The following ZAP70 variants were observed in gnomAD, a reference collection of about 807,000 sequenced individuals.
ZAP70 encodes the protein zeta chain of T cell receptor associated protein kinase 70, also known as tyrosine-protein kinase ZAP-70.
Under a neutral mutation model 65.8 loss-of-function variants are expected in ZAP70, and 27 were observed. The observed-to-expected ratio is 0.41, with a 90% CI of 0.30 to 0.57. ZAP70 has a LOEUF of 0.57. ZAP70 is among the 20% of genes least tolerant of loss of function. The pLI is 0.28. For missense variants in ZAP70, 696 were observed against 870.5 expected (o/e 0.80, Z 2.52); for synonymous variants, 363 against 360.8 (o/e 1.01, Z -0.07).
Position 97,724,454 on chromosome 2 carries a change from G to T in ZAP70, c.402+16G>T. 6.6e-7 allele frequency: 1 copy of T among 1,525,186 alleles called. No individual in the cohort carries two copies. Among genetic ancestry groups the T allele is most frequent in the Non-Finnish European group, 8.8e-7 (1 of 1,138,218 alleles). 94.5% of individuals were successfully genotyped at this position (1,525,186 alleles called of 1,614,324 possible). A position where few individuals can be genotyped will look rare whatever the true frequency, so the allele number is the denominator to read the frequency against. ...GAAGCTGGAGGTGAGAGCGCAGCCT[G>T]GGGCGCGGGGTCTGGAGGGGCGTGG... is the stretch of plus-strand genomic sequence containing the variant. On this transcript the variant is annotated intron_variant, in intron 3 of 13. Transcript: ENST00000264972.
the ZAP70 span, among the ~76,000 whole-genome samples, chr2:97,750,621 G>T: frequency 7.2e-5 from 11 of 152,244 alleles, no homozygotes; most frequent in Admixed American, 2.0e-4. Context: ...TAACAGGTCT[G>T]CAAGACAAGG....
intron 13 of ZAP70, 111 bp from the exon 14 acceptor site, chr2:97,739,264 T>A: frequency 6.5e-7 from 1 of 1,532,464 alleles, no homozygotes; most frequent in Non-Finnish European, 8.8e-7. Flanking sequence ...CCCTGCTGAC[T>A]TTCTGAGCCC....
At chr2:97,723,791 A>G (rs1164258630) in intron 2 of ZAP70, among the ~76,000 whole-genome samples, 2 of 152,172 alleles carry the variant, frequency 1.3e-5, no homozygotes, top group African/African-American at 4.8e-5. Context: ...CGTCCACATA[A>G]TGTCTCTGGA....
intron 4 of ZAP70, among the ~76,000 whole-genome samples, chr2:97,727,268 A>G (rs1487158993): frequency 6.6e-6 from 1 of 152,254 alleles, no homozygotes; most frequent in Non-Finnish European, 1.5e-5. Context: ...CCATTTTTGC[A>G]AACGGTTGGT....
chr2:97,714,916 C>T (rs1199761153), intron 2 of ZAP70, among the ~76,000 whole-genome samples: 4 of 152,128 alleles, frequency 2.6e-5, no homozygotes, highest in Non-Finnish European at 4.4e-5. Context: ...GGGGGCCTGG[C>T]TTCACATTCT....
the ZAP70 span, among the ~76,000 whole-genome samples, chr2:97,754,770 T>TATC: frequency 6.6e-6 from 1 of 152,208 alleles, no homozygotes; most frequent in Non-Finnish European, 1.5e-5. Context: ...TACACGTCAT[T>TATC]ATCTGCTTTG....
At chr2:97,733,957 T>C (rs112935040) in intron 8 of ZAP70, 7 of 375,534 alleles carry the variant, frequency 1.9e-5, no homozygotes, top group African/African-American at 1.0e-4. Flanking sequence ...ACTTTACAGA[T>C]GAGAGAGGGA....
chr2:97,721,716 C>T (rs1677165763), intron 2 of ZAP70, among the ~76,000 whole-genome samples: 1 of 150,734 alleles, frequency 6.6e-6, no homozygotes, highest in African/African-American at 2.4e-5. Context: ...GAGGCGTGAG[C>T]CACCGCAGCC....
downstream of ZAP70, among the ~76,000 whole-genome samples, chr2:97,740,060 A>G (rs973812458): frequency 2.0e-5 from 3 of 152,132 alleles, no homozygotes; most frequent in East Asian, 5.8e-4. Context: ...ACCTGAGGCC[A>G]GGCGGGTGTG....
downstream of ZAP70, among the ~76,000 whole-genome samples, chr2:97,742,525 G>T (rs1190127841): frequency 1.3e-5 from 2 of 152,240 alleles, no homozygotes; most frequent in Non-Finnish European, 2.9e-5. Flanking sequence ...GTGAGGATAT[G>T]GTGAATCAGT....
the ZAP70 span, among the ~76,000 whole-genome samples, chr2:97,749,199 C>T: frequency 8.6e-5 from 13 of 151,872 alleles, no homozygotes. Flanking sequence ...TTAGTAGAGA[C>T]GGGGTTTCAC....
chr2:97,733,407 C>T (rs767532399), intron 7 of ZAP70, 64 bp downstream of exon 7: 40 of 1,589,844 alleles, frequency 2.5e-5, no homozygotes, highest in Non-Finnish European at 3.4e-5. Flanking sequence ...GTGGGGGAGG[C>T]TGGGATGGAG....
the ZAP70 span, among the ~76,000 whole-genome samples, chr2:97,749,971 G>A: frequency 6.6e-6 from 1 of 152,234 alleles, no homozygotes; most frequent in African/African-American, 2.4e-5. Flanking sequence ...GTTTAACACT[G>A]GGAAATGTCT....
rs761068898 is a variant in ZAP70 at position 97,737,924 on chromosome 2, G to A, written c.1623+27G>A. ...CAGGCGCGGGCAGAGGCAGGTGGGC[G>A]GTGTGGTGGGGAGGGGGATGAGGAG... On this transcript the variant is annotated intron_variant, in intron 12 of 13. Coordinates refer to ENST00000264972, the MANE Select transcript of ZAP70 (RefSeq NM_001079.4). The surrounding 1 kb of genome is among the most constrained non-coding windows in gnomAD (Gnocchi z 5.0). 2.2e-5 allele frequency: 36 copies of A among 1,613,890 alleles called. No individual in the cohort carries two copies. The highest frequency in any genetic ancestry group is 6.7e-5 in the East Asian group (3 of 44,890).
the ZAP70 span, among the ~76,000 whole-genome samples, chr2:97,750,942 G>A: frequency 6.6e-6 from 1 of 152,184 alleles, no homozygotes; most frequent in Admixed American, 6.5e-5. Context: ...CTCTCTAGTC[G>A]TTTTATTCCT....
At chr2:97,751,319 T>C in the ZAP70 span, among the ~76,000 whole-genome samples, 1 of 152,216 alleles carries the variant, frequency 6.6e-6, no homozygotes, top group African/African-American at 2.4e-5. Context: ...GTATAGTTCA[T>C]ATTTATGTTG....
chr2:97,755,149 G>T, the ZAP70 span, among the ~76,000 whole-genome samples: 1 of 152,176 alleles, frequency 6.6e-6, no homozygotes, highest in Non-Finnish European at 1.5e-5. Context: ...AATGAGAAAA[G>T]CAAGTTGGAA....
chr2:97,739,780 C>A lies in ZAP70; in HGVS notation c.*282C>A. The A allele has an allele frequency of 2.1e-6, 1 of 482,248 alleles. No homozygotes were observed. Among genetic ancestry groups the A allele is most frequent in the South Asian group, 3.0e-5 (1 of 33,360 alleles). 29.9% of individuals were successfully genotyped at this position (482,248 alleles called of 1,614,324 possible). On this transcript the variant is annotated 3_prime_UTR_variant, in exon 14 of 14. Transcript: ENST00000264972. ...AGGGCATTGCTTACACGGATGCCTT[C>A]CCCTGGGCCCTGACATTGGAGCCTG... is the stretch of plus-strand genomic sequence containing the variant.
chr2:97,733,569 A>G lies in ZAP70; in HGVS notation c.863A>G (p.Asn288Ser). 1 of 1,613,324 alleles carries G rather than the reference A, an allele frequency of 6.2e-7. No homozygotes were observed. Among genetic ancestry groups the G allele is most frequent in the Non-Finnish European group, 8.5e-7 (1 of 1,179,916 alleles). Reference protein sequence around the residue: ...THPQRRIDTLNSDGYTPEPAR... With the variant: ...THPQRRIDTLSSDGYTPEPAR... Reference sequence around the variant, plus strand: ...CCTCAGAGACGAATCGACACCCTCAACTCAGATGGATACACCCCTGAGCCA... The same window carrying G: ...CCTCAGAGACGAATCGACACCCTCAGCTCAGATGGATACACCCCTGAGCCA... Residue 288 changes from asparagine (N) to serine (S), a missense_variant, in exon 8 of 14, where the codon AAC becomes AGC. Asn to Ser is a conservative substitution (Grantham distance 46, BLOSUM62 1). Coordinates refer to ENST00000264972, the MANE Select transcript of ZAP70 (RefSeq NM_001079.4).
Sources: allele counts gnomAD v4.1 joint callset (sites outside exome capture counted in the v4.1 genomes callset), GRCh38; gene constraint gnomAD v4.1.1; non-coding constraint Gnocchi (gnomAD v3.1); transcripts MANE v1.5; gene names NCBI Gene and HGNC (gene_info 2026-07-23, HGNC 2026-07-21).